Variants in DDX4 observed in about 807,000 individuals in gnomAD.
DDX4 encodes the protein DEAD-box helicase 4.
In DDX4, 25 loss-of-function variants were observed where a neutral mutation model predicts 100.0. The observed-to-expected ratio is 0.25, with a 90% CI of 0.18 to 0.35. The LOEUF is 0.35. Among genes scored for constraint, DDX4 ranks in the 10% least tolerant of loss-of-function variants. DDX4 has a pLI of 1.00. For synonymous variants in DDX4, 259 were observed against 275.7 expected, an observed-to-expected ratio of 0.94 and a Z score of 0.60; for missense variants, 635 against 882.4, an observed-to-expected ratio of 0.72 and a Z score of 3.55.
intron 3 of DDX4, among the ~76,000 whole-genome samples, chr5:55,752,061 G>T (rs533223410): frequency 6.6e-6 from 1 of 152,218 alleles, no homozygotes; most frequent in Admixed American, 6.5e-5. Context: ...TTTCTGGTCA[G>T]CCCTGACCAT....
chr5:55,755,487 C>T (rs926777515), intron 3 of DDX4, among the ~76,000 whole-genome samples: 7 of 152,038 alleles, frequency 4.6e-5, no homozygotes, highest in Admixed American at 4.6e-4. Flanking sequence ...CTGGGCTAAG[C>T]CTTACGTGAC....
intron 18 of DDX4, among the ~76,000 whole-genome samples, chr5:55,800,324 GTTT>G (rs776992728): frequency 7.3e-6 from 1 of 137,428 alleles, no homozygotes. Context: ...GTCACCTTAA[GTTT>G]TTTTTTTTTT....
chr5:55,778,210 A>C (rs1287450653), intron 7 of DDX4, among the ~76,000 whole-genome samples: 1 of 152,178 alleles, frequency 6.6e-6, no homozygotes, highest in East Asian at 1.9e-4. Context: ...TATGAATAAC[A>C]GTTCATATGG....
intron 3 of DDX4, 35 bp downstream of exon 3, chr5:55,746,256 A>T: frequency 6.4e-7 from 1 of 1,560,878 alleles, no homozygotes; most frequent in South Asian, 1.2e-5. Context: ...AACCCTTTTT[A>T]GTTTAAGGGT....
At position 55,785,839 on chromosome 5, in the gene DDX4, G is replaced by A; in HGVS notation, c.832G>A (p.Val278Met). 2 of 1,611,106 alleles carry A rather than the reference G, an allele frequency of 1.2e-6. No individual in the cohort carries two copies. Among genetic ancestry groups the A allele is most frequent in the South Asian group, 1.1e-5 (1 of 91,004 alleles). ...CAAATACGACACTATTCTTGTGGAAGTGTCTGGACATGATGCACCACCAGC... is the reference window on the plus strand; with the variant it reads ...CAAATACGACACTATTCTTGTGGAAATGTCTGGACATGATGCACCACCAGC... ...FDKYDTILVE[V>M]SGHDAPPAIL... The change falls in exon 13 of 22, where the codon GTG becomes ATG. Residue 278 changes from valine to methionine, a missense_variant. Physicochemically the swap from Val to Met is conservative, Grantham distance 21 (BLOSUM62 1). Transcript: ENST00000505374.
chr5:55,774,705 G>A (rs998334565), intron 7 of DDX4, among the ~76,000 whole-genome samples: 11 of 152,128 alleles, frequency 7.2e-5, no homozygotes, highest in South Asian at 2.1e-4. Flanking sequence ...GATGGTGTAG[G>A]GTGGGGGTCC....
chr5:55,776,319 T>A (rs1053843754), intron 7 of DDX4, among the ~76,000 whole-genome samples: 2 of 152,134 alleles, frequency 1.3e-5, no homozygotes, highest in African/African-American at 4.8e-5. Flanking sequence ...GACTAAGACC[T>A]GTGGTTCAAC....
Position 55,764,006 on chromosome 5 carries a change from T to C in DDX4, c.284-8T>C. The C allele has an allele frequency of 6.3e-7, 1 of 1,598,100 alleles. No homozygotes were observed. The highest frequency in any genetic ancestry group is 8.6e-7 in the Non-Finnish European group (1 of 1,165,866). ...ACAGGAAATTGTTTCATTTTATATT[T>C]TGTATAGGTTTTTCAAACAGCAGGT... is the stretch of plus-strand genomic sequence containing the variant. On this transcript the variant is annotated splice_polypyrimidine_tract_variant and splice_region_variant and intron_variant, in intron 5 of 21. Coordinates refer to ENST00000505374, the MANE Select transcript of DDX4 (RefSeq NM_024415.3).
chr5:55,813,970 T>G (rs577378629), intron 19 of DDX4, among the ~76,000 whole-genome samples, 198 bp downstream of exon 19: 1 of 152,210 alleles, frequency 6.6e-6, no homozygotes, highest in Non-Finnish European at 1.5e-5. Context: ...ATCCTCATTC[T>G]TAGTTTTTAG....
At chr5:55,798,609 AT>A (rs535214367) in intron 18 of DDX4, 38 bp downstream of exon 18, 21 of 1,531,296 alleles carry the variant, frequency 1.4e-5, no homozygotes, top group South Asian at 3.8e-5. Flanking sequence ...CATGATTTTG[AT>A]TTTTTTTAAT....
chr5:55,781,695 T>G (rs1741922643), intron 9 of DDX4, among the ~76,000 whole-genome samples: 1 of 151,328 alleles, frequency 6.6e-6, no homozygotes, highest in Non-Finnish European at 1.5e-5. Context: ...GAGAATTGGT[T>G]GAACCCAGGA....
intron 18 of DDX4, among the ~76,000 whole-genome samples, chr5:55,812,992 T>C (rs1744202492): frequency 6.6e-6 from 1 of 152,052 alleles, no homozygotes; most frequent in African/African-American, 2.4e-5. Flanking sequence ...TTATATGCTT[T>C]AAAGCTATAA....
chr5:55,772,082 A>G (rs1193502345), intron 7 of DDX4, among the ~76,000 whole-genome samples: 4 of 152,112 alleles, frequency 2.6e-5, no homozygotes, highest in Non-Finnish European at 5.9e-5. Context: ...AGCTGGGCGC[A>G]TGCCTGTAGT....
At chr5:55,802,452 T>G (rs559008988) in intron 18 of DDX4, among the ~76,000 whole-genome samples, 82 of 151,378 alleles carry the variant, frequency 5.4e-4, no homozygotes, top group Non-Finnish European at 9.6e-4. Context: ...CAGAGAGATA[T>G]TCTCCATAAG....
chr5:55,794,903 T>A (rs184797235), intron 17 of DDX4, among the ~76,000 whole-genome samples: 1 of 152,134 alleles, frequency 6.6e-6, no homozygotes, highest in Non-Finnish European at 1.5e-5. Context: ...CTTCTACTTA[T>A]ACCTGTAACT....
chr5:55,811,691 T>C (rs1037940338), intron 18 of DDX4, among the ~76,000 whole-genome samples: 1 of 152,234 alleles, frequency 6.6e-6, no homozygotes, highest in African/African-American at 2.4e-5. Context: ...TAACTTCTAT[T>C]TCATAAAGGA....
At chr5:55,802,494 T>A (rs931163105) in intron 18 of DDX4, among the ~76,000 whole-genome samples, 1 of 152,148 alleles carries the variant, frequency 6.6e-6, no homozygotes, top group Non-Finnish European at 1.5e-5. Context: ...TCTTATTTCA[T>A]TGTATATGTT....
intron 15 of DDX4, 22 bp downstream of exon 15, chr5:55,788,022 T>C: frequency 6.4e-7 from 1 of 1,571,730 alleles, no homozygotes; most frequent in South Asian, 1.2e-5. Flanking sequence ...AGAGTGCTAC[T>C]CACAAAATAG....
Position 55,794,601 on chromosome 5 carries a change from A to ATGGGAAAG in DDX4, c.1469+1796_1469+1803dup, listed in dbSNP as rs538286413. ...TGACTCTTTTTAGATTCACCCTGAA[A>ATGGGAAAG]TGGGAAAGTATTTGTATGTTGGCCA... On this transcript the variant is annotated intron_variant, in intron 17 of 21. Transcript: ENST00000505374. Among the ~76,000 whole-genome samples, 1,226 of 152,284 alleles carry ATGGGAAAG rather than the reference A, an allele frequency of 8.1e-3. 14 individuals carry two copies. The highest frequency in any genetic ancestry group is 0.028 in the African/African-American group (1,164 of 41,548).
Sources: allele counts gnomAD v4.1 joint callset (sites outside exome capture counted in the v4.1 genomes callset), GRCh38; gene constraint gnomAD v4.1.1; transcripts MANE v1.5; gene names NCBI Gene and HGNC (gene_info 2026-07-23, HGNC 2026-07-21).